The following BAIAP2L1 variants were observed in gnomAD, a reference collection of about 807,000 sequenced individuals.
The protein encoded by BAIAP2L1 is BAR/IMD domain containing adaptor protein 2 like 1.
A neutral mutation model predicts 66.3 loss-of-function variants in BAIAP2L1; 35 were observed. The observed-to-expected ratio is 0.53, with a 90% CI of 0.40 to 0.70. BAIAP2L1 has a LOEUF of 0.70. Ranked by LOEUF, BAIAP2L1 falls within the 30% of genes least tolerant of loss-of-function variation. BAIAP2L1 has a pLI of 0.00. For missense variants in BAIAP2L1, 622 were observed against 656.9 expected, an observed-to-expected ratio of 0.95 and a Z score of 0.58; for synonymous variants, 269 against 248.7, an observed-to-expected ratio of 1.08 and a Z score of -0.77.
chr7:98,292,520 C>T lies in BAIAP2L1; in HGVS notation c.*1001G>A. On this transcript the variant is annotated 3_prime_UTR_variant, in exon 14 of 14. Coordinates refer to ENST00000005260, the MANE Select transcript of BAIAP2L1 (RefSeq NM_018842.5). The stretch of plus-strand genomic sequence containing the variant: ...AAAATAGGTCCAGATCCTTGGCAGC[C>T]AAAGATGATTTCCAGCCCCGGGCTC... The T allele has an allele frequency of 1.0e-6, 1 of 981,948 alleles. No individual in the cohort carries two copies. The highest frequency in any genetic ancestry group is 1.6e-6 in the Non-Finnish European group (1 of 644,076). 60.8% of individuals were successfully genotyped at this position (981,948 alleles called of 1,614,324 possible). A position where few individuals can be genotyped will look rare whatever the true frequency, so the allele number is the denominator to read the frequency against.
At position 98,401,043 on chromosome 7, in the gene BAIAP2L1, C is replaced by G; in HGVS notation, c.-191G>C. The G allele has an allele frequency of 2.3e-6, 1 of 432,172 alleles. No homozygotes were observed. Among genetic ancestry groups the G allele is most frequent in the Admixed American group, 4.7e-5 (1 of 21,250 alleles). 26.8% of individuals were successfully genotyped at this position (432,172 alleles called of 1,614,324 possible). The stretch of plus-strand genomic sequence containing the variant: ...TGTCAAAACTTGCGGCAGCGCCGCC[C>G]TGGCCTTCTTCGAGGAGCAGAGGAG... On this transcript the variant is annotated 5_prime_UTR_variant, in exon 1 of 14. Transcript: ENST00000005260.
At chr7:98,380,241 C>T (rs971690940) in intron 1 of BAIAP2L1, among the ~76,000 whole-genome samples, 7 of 151,948 alleles carry the variant, frequency 4.6e-5, no homozygotes, top group Non-Finnish European at 7.4e-5. Context: ...ACACACCCAC[C>T]TAATTTTTAA....
chr7:98,299,204 A>G (rs1392987580), intron 12 of BAIAP2L1, among the ~76,000 whole-genome samples: 1 of 151,802 alleles, frequency 6.6e-6, no homozygotes, highest in African/African-American at 2.4e-5. Flanking sequence ...TTTTTAGTAG[A>G]GACAGGGTTT....
chr7:98,376,443 C>T (rs527287122), intron 1 of BAIAP2L1, among the ~76,000 whole-genome samples: 54 of 151,886 alleles, frequency 3.6e-4, no homozygotes, highest in African/African-American at 1.3e-3. Flanking sequence ...CCAGAGAGGT[C>T]GAGGTCACAG....
chr7:98,396,113 C>T (rs141668485), intron 1 of BAIAP2L1, among the ~76,000 whole-genome samples: 2 of 152,118 alleles, frequency 1.3e-5, no homozygotes, highest in Non-Finnish European at 2.9e-5. Flanking sequence ...ACTCTGTTGC[C>T]CAGGCCAGAG....
At chr7:98,397,107 C>G (rs1803228873) in intron 1 of BAIAP2L1, among the ~76,000 whole-genome samples, 1 of 152,052 alleles carries the variant, frequency 6.6e-6, no homozygotes, top group South Asian at 2.1e-4. Flanking sequence ...ATAGCCTATT[C>G]TAAGGTAGTG....
intron 3 of BAIAP2L1, among the ~76,000 whole-genome samples, chr7:98,346,438 T>C (rs1481510072): frequency 2.0e-5 from 3 of 152,162 alleles, no homozygotes; most frequent in Non-Finnish European, 4.4e-5. Context: ...AGATGTCAAC[T>C]CCACCTAAAT....
At chr7:98,302,784 G>A (rs1800482178) in intron 12 of BAIAP2L1, among the ~76,000 whole-genome samples, 1 of 152,134 alleles carries the variant, frequency 6.6e-6, no homozygotes, top group Non-Finnish European at 1.5e-5. Flanking sequence ...CAACTACACT[G>A]TAAACCATTT....
At chr7:98,360,618 CTA>C (rs1254775040) in intron 2 of BAIAP2L1, among the ~76,000 whole-genome samples, 1 of 148,306 alleles carries the variant, frequency 6.7e-6, no homozygotes, top group Non-Finnish European at 1.5e-5. Flanking sequence ...GCAGCTCATG[CTA>C]GAAAGAAAAA....
chr7:98,294,195 G>A (rs1209724949), intron 12 of BAIAP2L1, 84 bp from the exon 13 acceptor site: 3 of 1,460,974 alleles, frequency 2.1e-6, no homozygotes, highest in African/African-American at 1.4e-5. Context: ...GATTTGCTAT[G>A]TTGCCCAGGC....
At position 98,317,366 on chromosome 7, in the gene BAIAP2L1, A is replaced by T. The variant is rs374280580; in HGVS notation, c.349-10T>A. On this transcript the variant is annotated splice_polypyrimidine_tract_variant and intron_variant, in intron 5 of 13. Coordinates refer to ENST00000005260, the MANE Select transcript of BAIAP2L1 (RefSeq NM_018842.5). ...ATCTTTTTAGAGTTGCCTGTAAGTT[A>T]AATGGCTGTGCTTATTTTACTGTGG... 5.6e-5 allele frequency: 90 copies of T among 1,612,876 alleles called. No individual in the cohort carries two copies. The highest frequency in any genetic ancestry group is 7.5e-5 in the Non-Finnish European group (89 of 1,179,792).
chr7:98,363,490 G>A (rs2115730996), intron 1 of BAIAP2L1, among the ~76,000 whole-genome samples: 2 of 152,246 alleles, frequency 1.3e-5, no homozygotes, highest in African/African-American at 2.4e-5. Flanking sequence ...ATTTCAACAC[G>A]TGTTATTCCT....
At chr7:98,338,618 A>C (rs982972426) in intron 3 of BAIAP2L1, among the ~76,000 whole-genome samples, 2 of 152,182 alleles carry the variant, frequency 1.3e-5, no homozygotes, top group African/African-American at 4.8e-5. Flanking sequence ...GACGTGGCAC[A>C]TAACCAAGGT....
intron 1 of BAIAP2L1, among the ~76,000 whole-genome samples, chr7:98,374,433 A>G (rs1043894695): frequency 6.6e-6 from 1 of 152,196 alleles, no homozygotes; most frequent in African/African-American, 2.4e-5. Flanking sequence ...TTGCATTTTA[A>G]AACCCTGCTG....
intron 2 of BAIAP2L1, among the ~76,000 whole-genome samples, chr7:98,356,955 C>T (rs1802135378): frequency 8.3e-6 from 1 of 119,774 alleles, no homozygotes; most frequent in Admixed American, 1.0e-4. Context: ...ACAACTGTAC[C>T]ACTGTACTCC....
chr7:98,357,047 ATATTTTTTTTTT>A (rs1178103659), intron 2 of BAIAP2L1, among the ~76,000 whole-genome samples: 1 of 16,492 alleles, frequency 6.1e-5, no homozygotes, highest in African/African-American at 2.4e-4. Flanking sequence ...ATATATATAT[ATATTTTTTTTTT>A]TTTTTTTTTA....
At position 98,328,933 on chromosome 7, in the gene BAIAP2L1, A is replaced by T. The variant is rs117480870; in HGVS notation, c.215-8635T>A. ...AAGGAAAAACTGTCAATCTCCTGTT[A>T]TCTAAGGGAACATACCTGTAGAGTA... On this transcript the variant is annotated intron_variant, in intron 3 of 13. Transcript: ENST00000005260. Among the ~76,000 whole-genome samples, 809 of 152,296 alleles carry T rather than the reference A, an allele frequency of 5.3e-3. 3 individuals are homozygous for T. Among genetic ancestry groups the T allele is most frequent in the Non-Finnish European group, 7.4e-3 (504 of 68,018 alleles).
chr7:98,317,072 C>G, intron 6 of BAIAP2L1, 147 bp downstream of exon 6: 1 of 988,520 alleles, frequency 1.0e-6, no homozygotes, highest in South Asian at 1.6e-5. Context: ...AGGCTGGTCT[C>G]GAACTCCTGA....
At chr7:98,384,693 CTTTTTTTTT>C (rs11413562) in intron 1 of BAIAP2L1, among the ~76,000 whole-genome samples, 17,340 of 118,846 alleles carry the variant, frequency 0.15, 1,334 homozygotes, top group South Asian at 0.28. Context: ...ATCATTCTAC[CTTTTTTTTT>C]TTTTTTTTTT....
Sources: gnomAD v4.1 joint callset for allele counts (sites outside exome capture counted in the v4.1 genomes callset) on GRCh38, gnomAD v4.1.1 for gene constraint, MANE v1.5 for transcripts, NCBI Gene and HGNC (gene_info 2026-07-23, HGNC 2026-07-21) for gene names.